SGCZ: variants seen among roughly 807,000 people sequenced by gnomAD.
The protein encoded by SGCZ is zeta-sarcoglycan.
Under a neutral mutation model 41.3 loss-of-function variants are expected in SGCZ, and 40 were observed. That is an observed-to-expected ratio of 0.97 (90% CI 0.75 to 1.26). The LOEUF (loss-of-function observed/expected upper bound fraction) is 1.26, where lower values mean the gene tolerates loss of function less well. Among genes scored for constraint, SGCZ ranks in the 50% most tolerant of loss-of-function variants. The probability of loss-of-function intolerance (pLI) is 0.00; values close to 1 mark genes in which losing one functional copy is unlikely to be tolerated. For missense variants in SGCZ, 552 were observed against 369.8 expected (o/e 1.49, Z -4.04); for synonymous variants, 206 against 137.5 (o/e 1.50, Z -3.49).
chr8:15,029,062 G>A (rs1803561178), intron 1 of SGCZ, among the ~76,000 whole-genome samples: 1 of 152,028 alleles, frequency 6.6e-6, no homozygotes. Context: ...AGATGATTGG[G>A]AGACTCAAAG....
chr8:15,079,621 A>G (rs774339337), intron 1 of SGCZ, among the ~76,000 whole-genome samples: 27 of 152,318 alleles, frequency 1.8e-4, no homozygotes, highest in Non-Finnish European at 3.2e-4. Context: ...TTGTAGATTC[A>G]AACCTTCTAT....
chr8:15,224,193 CAT>C (rs1341563839), intron 1 of SGCZ, among the ~76,000 whole-genome samples: 1 of 152,086 alleles, frequency 6.6e-6, no homozygotes, highest in Admixed American at 6.6e-5. Context: ...GTAGTTCTTA[CAT>C]AAACTCTATT....
At chr8:14,823,480 C>G (rs938131520) in intron 1 of SGCZ, among the ~76,000 whole-genome samples, 2 of 152,078 alleles carry the variant, frequency 1.3e-5, no homozygotes, top group African/African-American at 4.8e-5. Context: ...TGAAAAAATG[C>G]TCAACATTTC....
chr8:14,555,255 T>C (rs1803999335), intron 1 of SGCZ, among the ~76,000 whole-genome samples: 2 of 152,054 alleles, frequency 1.3e-5, no homozygotes, highest in African/African-American at 4.8e-5. Context: ...ACTCTACTCA[T>C]GTCCAAGTGA....
chr8:14,649,267 G>A (rs1385720867), intron 1 of SGCZ, among the ~76,000 whole-genome samples: 2 of 152,058 alleles, frequency 1.3e-5, no homozygotes, highest in Non-Finnish European at 2.9e-5. Flanking sequence ...TTGTGAGGTA[G>A]AAATACGCTC....
At chr8:14,769,302 A>G (rs910548882) in intron 1 of SGCZ, among the ~76,000 whole-genome samples, 1 of 152,220 alleles carries the variant, frequency 6.6e-6, no homozygotes, top group African/African-American at 2.4e-5. Context: ...ATCATGTGAA[A>G]AACCCTTTCT....
intron 1 of SGCZ, among the ~76,000 whole-genome samples, chr8:15,230,823 A>G (rs1011884334): frequency 1.3e-5 from 2 of 152,168 alleles, no homozygotes; most frequent in Non-Finnish European, 2.9e-5. Context: ...AAGACATTGG[A>G]CAAATTCTTC....
intron 1 of SGCZ, among the ~76,000 whole-genome samples, chr8:15,140,962 C>T (rs1808299334): frequency 6.6e-6 from 1 of 152,096 alleles, no homozygotes; most frequent in African/African-American, 2.4e-5. Flanking sequence ...TATTATATGT[C>T]AAGGATTTAT....
intron 1 of SGCZ, among the ~76,000 whole-genome samples, chr8:15,004,024 G>A (rs976260099): frequency 6.6e-6 from 1 of 152,034 alleles, no homozygotes; most frequent in African/African-American, 2.4e-5. Context: ...GTGAGGTCTG[G>A]AAAATCTAAC....
Position 15,015,726 on chromosome 8 carries a change from C to CGTGTGT in SGCZ, c.39+221853_39+221858dup, listed in dbSNP as rs60624490. Among the ~76,000 whole-genome samples, 244 of 125,174 alleles carry CGTGTGT rather than the reference C, an allele frequency of 1.9e-3. 1 individual carries two copies. Among genetic ancestry groups the CGTGTGT allele is most frequent in the African/African-American group, 6.3e-3 (218 of 34,540 alleles). 82.1% of individuals were successfully genotyped at this position (125,174 alleles called of 152,430 possible). A position where few individuals can be genotyped will look rare whatever the true frequency, so the allele number is the denominator to read the frequency against. On this transcript the variant is annotated intron_variant, in intron 1 of 7. Transcript: ENST00000382080. ...AAAGAAAAGAAAAAAGAAATATACA[C>CGTGTGT]GTGTGTGTGTGTGTGTGTGTGTGTG...
At chr8:14,482,478 A>C (rs5023503) in intron 2 of SGCZ, among the ~76,000 whole-genome samples, 1 of 151,984 alleles carries the variant, frequency 6.6e-6, no homozygotes, top group Non-Finnish European at 1.5e-5. Flanking sequence ...TCTCAGAAAC[A>C]AAATCATTTT....
chr8:14,993,371 G>T (rs149773408), intron 1 of SGCZ, among the ~76,000 whole-genome samples: 17 of 152,140 alleles, frequency 1.1e-4, no homozygotes, highest in Non-Finnish European at 1.2e-4. Flanking sequence ...TCTAGGAATG[G>T]GGCTTGAGCA....
chr8:14,452,516 C>T (rs1374316651), intron 2 of SGCZ, among the ~76,000 whole-genome samples: 1 of 151,684 alleles, frequency 6.6e-6, no homozygotes, highest in African/African-American at 2.4e-5. Flanking sequence ...AAAATAATGA[C>T]TCTCAGTAAA....
chr8:14,420,393 G>A lies in SGCZ; in HGVS notation c.235-96189C>T, dbSNP rs113882765. 1.7e-3 allele frequency among the ~76,000 whole-genome samples: 258 copies of A among 152,082 alleles called. 2 individuals carry two copies. Among genetic ancestry groups the A allele is most frequent in the African/African-American group, 5.3e-3 (219 of 41,508 alleles). On this transcript the variant is annotated intron_variant, in intron 2 of 7. Coordinates refer to ENST00000382080, the MANE Select transcript of SGCZ (RefSeq NM_139167.4). ...TATTTGCAACAAAGTCTGTGCTGAC[G>A]TCTCAACTCTTATAATCTTAGCTTT...
chr8:14,128,970 A>G (rs1336844948), intron 5 of SGCZ, among the ~76,000 whole-genome samples: 2 of 152,118 alleles, frequency 1.3e-5, no homozygotes, highest in African/African-American at 2.4e-5. Context: ...AATCCTACCT[A>G]TTTGGTACAG....
At chr8:14,236,482 C>T (rs1157839934) in intron 4 of SGCZ, among the ~76,000 whole-genome samples, 2 of 151,840 alleles carry the variant, frequency 1.3e-5, no homozygotes, top group African/African-American at 4.8e-5. Context: ...TACACAGAAT[C>T]AAAATTCATG....
At chr8:14,769,976 TACCACC>T (rs1353808969) in intron 1 of SGCZ, among the ~76,000 whole-genome samples, 15 of 151,954 alleles carry the variant, frequency 9.9e-5, no homozygotes, top group East Asian at 7.7e-4. Context: ...TATAGGCATA[TACCACC>T]ACTCGTGGTT....
chr8:14,953,368 G>T (rs543091014), intron 1 of SGCZ, among the ~76,000 whole-genome samples: 4 of 152,216 alleles, frequency 2.6e-5, no homozygotes, highest in African/African-American at 4.8e-5. Context: ...GAACAGCAAG[G>T]GGGAAATCTG....
chr8:15,221,200 G>A (rs1801589454), intron 1 of SGCZ, among the ~76,000 whole-genome samples: 1 of 152,072 alleles, frequency 6.6e-6, no homozygotes, highest in African/African-American at 2.4e-5. Context: ...TTTACTCTAA[G>A]AAGTCAAAAT....
Sources: gnomAD v4.1 joint callset for allele counts (sites outside exome capture counted in the v4.1 genomes callset) on GRCh38, gnomAD v4.1.1 for gene constraint, MANE v1.5 for transcripts, NCBI Gene and HGNC (gene_info 2026-07-23, HGNC 2026-07-21) for gene names.